Variants in ABI2 observed in about 807,000 individuals in gnomAD.
ABI2 encodes abelson interactor 2.
A neutral mutation model predicts 59.2 loss-of-function variants in ABI2; 25 were observed. That is an observed-to-expected ratio of 0.42 (90% CI 0.31 to 0.59). The LOEUF is 0.59. Among genes scored for constraint, ABI2 ranks in the 20% least tolerant of loss-of-function variants. ABI2 has a pLI of 0.14. For missense variants in ABI2, 545 were observed against 681.8 expected (o/e 0.80, Z 2.23); for synonymous variants, 213 against 235.5 (o/e 0.90, Z 0.87).
Position 203,353,025 on chromosome 2 carries a change from C to G in ABI2, c.118-13852C>G, listed in dbSNP as rs557631298. Among the ~76,000 whole-genome samples, 28 of 152,198 alleles carry G rather than the reference C, an allele frequency of 1.8e-4. 1 individual carries two copies. Among genetic ancestry groups the G allele is most frequent in the Admixed American group, 1.2e-3 (18 of 15,274 alleles). ...CATATAGCCTAGTGTGTAGTATGCT[C>G]TTTCATCTAGATTTGCGAAGTTTAC... On this transcript the variant is annotated intron_variant, in intron 1 of 11. Coordinates refer to ENST00000261018, the MANE Select transcript of ABI2 (RefSeq NM_001375670.1).
At chr2:203,350,352 G>A (rs1344271202) in intron 1 of ABI2, among the ~76,000 whole-genome samples, 2 of 151,706 alleles carry the variant, frequency 1.3e-5, no homozygotes, top group Non-Finnish European at 2.9e-5. Flanking sequence ...CCTGGCCAAC[G>A]GTCTCTGTTT....
intron 1 of ABI2, among the ~76,000 whole-genome samples, chr2:203,352,964 T>C (rs1374398240): frequency 6.6e-6 from 1 of 152,252 alleles, no homozygotes; most frequent in Non-Finnish European, 1.5e-5. Flanking sequence ...GGTAACATAC[T>C]GTACAGGTTT....
chr2:203,369,723 G>A (rs1198802797), intron 2 of ABI2, among the ~76,000 whole-genome samples: 1 of 152,136 alleles, frequency 6.6e-6, no homozygotes, highest in Non-Finnish European at 1.5e-5. Flanking sequence ...AGAGTTGAGT[G>A]TCTAGAGGGC....
At chr2:203,387,019 C>T (rs918275188) in intron 4 of ABI2, among the ~76,000 whole-genome samples, 8 of 149,206 alleles carry the variant, frequency 5.4e-5, no homozygotes, top group Non-Finnish European at 7.4e-5. Context: ...TTCTATAGAC[C>T]GTTTTGTCTC....
At chr2:203,411,550 G>A (rs2097677328) in intron 10 of ABI2, among the ~76,000 whole-genome samples, 179 bp downstream of exon 10, 1 of 152,072 alleles carries the variant, frequency 6.6e-6, no homozygotes, top group Non-Finnish European at 1.5e-5. Context: ...ATAACTAATA[G>A]TAAAGACATA....
chr2:203,387,211 A>G (rs542462115), intron 4 of ABI2, among the ~76,000 whole-genome samples: 145 of 152,244 alleles, frequency 9.5e-4, no homozygotes, highest in African/African-American at 2.8e-3. Flanking sequence ...GGGAGATTTC[A>G]TAGCAGAGGT....
At chr2:203,365,675 G>GC (rs1285716390) in intron 1 of ABI2, among the ~76,000 whole-genome samples, 2 of 130,042 alleles carry the variant, frequency 1.5e-5, no homozygotes, top group African/African-American at 5.7e-5. Context: ...TGTTGCCCAG[G>GC]CTAGAGTACA....
At chr2:203,426,265 G>C (rs1433802204) in intron 11 of ABI2, among the ~76,000 whole-genome samples, 1 of 152,156 alleles carries the variant, frequency 6.6e-6, no homozygotes, top group Admixed American at 6.5e-5. Context: ...AGATTTCATT[G>C]AGTGGTATAA....
At chr2:203,395,165 T>C in intron 6 of ABI2, 1 of 697,712 alleles carries the variant, frequency 1.4e-6, no homozygotes, top group Non-Finnish European at 2.6e-6. Flanking sequence ...TGAAAAACTA[T>C]ACATAATAAA....
intron 1 of ABI2, among the ~76,000 whole-genome samples, chr2:203,338,693 A>G (rs2077570230): frequency 6.6e-6 from 1 of 151,780 alleles, no homozygotes. Flanking sequence ...CACTCCTAGA[A>G]GAAAACATAG....
chr2:203,342,570 T>TTATTTATTTATG lies in ABI2; in HGVS notation c.117+13950_117+13951insGTATTTATTTAT, dbSNP rs1195057403. ...CAAAACCTTTTATTTATTTATTTAT[T>TTATTTATTTATG]TATTTATTTATTTATTTATTTATTT... On this transcript the variant is annotated intron_variant, in intron 1 of 11. Transcript: ENST00000261018. Among the ~76,000 whole-genome samples the TTATTTATTTATG allele has an allele frequency of 7.2e-3, 1,084 of 150,030 alleles. 11 individuals carry two copies. The highest frequency in any genetic ancestry group is 0.025 in the African/African-American group (1,024 of 41,086).
chr2:203,330,392 CAAA>C (rs35505933), intron 1 of ABI2, among the ~76,000 whole-genome samples: 92 of 115,758 alleles, frequency 7.9e-4, no homozygotes, highest in African/African-American at 1.6e-3. Context: ...GACTACATAT[CAAA>C]AAAAAAAAAA....
rs570158608 is a variant in ABI2, at chr2:203,388,183, C to T, written c.481-2863C>T. Reference sequence around the variant, plus strand: ...TTACTTAGCGTAGAAACATTTTTCACACGGGAAAAGCTGCCTTGAGGAAAT... The same window carrying T: ...TTACTTAGCGTAGAAACATTTTTCATACGGGAAAAGCTGCCTTGAGGAAAT... On this transcript the variant is annotated intron_variant, in intron 4 of 11. Transcript: ENST00000261018. 1.1e-4 allele frequency among the ~76,000 whole-genome samples: 16 copies of T among 152,142 alleles called. No homozygotes were observed. The Middle Eastern group carries it at 0.01, about 97-fold the overall frequency.
chr2:203,380,125 A>G (rs1440340691), intron 2 of ABI2, 83 bp from the exon 3 acceptor site: 6 of 811,014 alleles, frequency 7.4e-6, no homozygotes, highest in Non-Finnish European at 1.1e-5. Flanking sequence ...TAGCAATATT[A>G]AATCTCTAGG....
intron 8 of ABI2, among the ~76,000 whole-genome samples, chr2:203,400,266 T>C (rs962945694): frequency 2.0e-5 from 3 of 151,844 alleles, no homozygotes; most frequent in Admixed American, 6.6e-5. Flanking sequence ...TTTTTGTATT[T>C]TTAATGGAGA....
In ABI2 at chr2:203,328,655, C is replaced by G. The variant is rs373653545; in HGVS notation, c.117+24C>G. The G allele has an allele frequency of 3.4e-6, 5 of 1,491,394 alleles. No individual in the cohort carries two copies. In the African/African-American group the frequency reaches 7.2e-5, roughly 22 times the overall value. 92.4% of individuals were successfully genotyped at this position (1,491,394 alleles called of 1,614,324 possible). ...AGGTGCGAAGCATCCCCAGCTGGGC[C>G]GCGTCGGGGACCCCCCCGCCGGGGG... is the stretch of plus-strand genomic sequence containing the variant. On this transcript the variant is annotated intron_variant, in intron 1 of 11. Transcript: ENST00000261018.
chr2:203,346,312 G>A (rs1358133469), intron 1 of ABI2, among the ~76,000 whole-genome samples: 1 of 152,208 alleles, frequency 6.6e-6, no homozygotes, highest in Non-Finnish European at 1.5e-5. Context: ...TCTTTTTCAG[G>A]TTTTTGCTAA....
intron 1 of ABI2, among the ~76,000 whole-genome samples, chr2:203,357,759 TTTTGTTTG>T (rs60160570): frequency 0.74 from 110,890 of 150,854 alleles, 41,864 homozygotes; most frequent in Middle Eastern, 0.87. Context: ...TTTTGGGGTT[TTTTGTTTG>T]TTTGTTTGTT....
intron 11 of ABI2, among the ~76,000 whole-genome samples, chr2:203,419,817 C>T (rs1423448831): frequency 3.3e-5 from 5 of 151,886 alleles, no homozygotes; most frequent in African/African-American, 9.7e-5. Flanking sequence ...GGAGAAACCC[C>T]GTCTCTACTA....
Sources: allele counts gnomAD v4.1 joint callset (sites outside exome capture counted in the v4.1 genomes callset), GRCh38; gene constraint gnomAD v4.1.1; transcripts MANE v1.5; gene names NCBI Gene and HGNC (gene_info 2026-07-23, HGNC 2026-07-21).